The following CTTNBP2 variants were observed in gnomAD, a reference collection of about 807,000 sequenced individuals.
CTTNBP2 encodes the protein cortactin binding protein 2.
CTTNBP2 carries 108 observed loss-of-function variants against 156.9 expected under a neutral mutation model. The ratio of observed to expected loss-of-function variants is 0.69; its 90% CI spans 0.59 to 0.81. The LOEUF (loss-of-function observed/expected upper bound fraction) is 0.81, where lower values mean the gene tolerates loss of function less well. Ranked by LOEUF, CTTNBP2 falls within the 30% of genes least tolerant of loss-of-function variation. The pLI, the probability that CTTNBP2 is intolerant of heterozygous loss-of-function variation, is 0.00. For synonymous variants in CTTNBP2, 767 were observed against 751.8 expected (o/e 1.02, Z -0.33); for missense variants, 1,924 against 2,035.4 (o/e 0.95, Z 1.05).
intron 12 of CTTNBP2, among the ~76,000 whole-genome samples, chr7:117,752,848 T>C (rs1260790491): frequency 6.6e-6 from 1 of 152,226 alleles, no homozygotes; most frequent in Non-Finnish European, 1.5e-5. Context: ...CTAACTTGTA[T>C]GGAGTATCTA....
chr7:117,735,976 AT>A (rs1795666250), intron 14 of CTTNBP2, among the ~76,000 whole-genome samples: 1 of 152,208 alleles, frequency 6.6e-6, no homozygotes, highest in Admixed American at 6.5e-5. Flanking sequence ...ACACAGTCAC[AT>A]TCTGAGAGCT....
intron 10 of CTTNBP2, among the ~76,000 whole-genome samples, chr7:117,759,974 T>C (rs886790467): frequency 6.6e-6 from 1 of 152,188 alleles, no homozygotes; most frequent in Non-Finnish European, 1.5e-5. Context: ...ATTCATCCCA[T>C]GTGGGAGCAT....
intron 12 of CTTNBP2, among the ~76,000 whole-genome samples, chr7:117,748,532 A>C (rs1388515473): frequency 6.6e-6 from 1 of 152,172 alleles, no homozygotes; most frequent in Admixed American, 6.5e-5. Flanking sequence ...AGAGAGCTCA[A>C]GTTAGTCTTG....
chr7:117,762,326 C>T (rs1050233869), intron 9 of CTTNBP2, among the ~76,000 whole-genome samples: 2 of 152,198 alleles, frequency 1.3e-5, no homozygotes, highest in African/African-American at 4.8e-5. Flanking sequence ...CAAATCTGAA[C>T]TCCCCAACTA....
intron 3 of CTTNBP2, chr7:117,793,355 G>A (rs1224714623): frequency 6.6e-6 from 1 of 152,204 alleles, no homozygotes; most frequent in Non-Finnish European, 1.5e-5. Flanking sequence ...AAACTCTAAA[G>A]AGCTAAAGAA....
intron 8 of CTTNBP2, among the ~76,000 whole-genome samples, chr7:117,768,565 C>CA (rs747773487): frequency 2.9e-4 from 16 of 55,538 alleles, no homozygotes; most frequent in African/African-American, 8.5e-4. Context: ...GACTCTGTCT[C>CA]AAAAAAAAAA....
rs2116967846 is a variant in CTTNBP2 at position 117,810,942 on chromosome 7, A to G, written c.237T>C (p.Asn79=). 2 of 1,614,092 alleles carry G rather than the reference A, an allele frequency of 1.2e-6. No homozygotes were observed. Among genetic ancestry groups the G allele is most frequent in the East Asian group, 2.2e-5 (1 of 44,884 alleles). ...VFIQERYGRF[N]LNDPFLALQR... The stretch of plus-strand genomic sequence containing the variant: ...GGAGTGCCAGGAACGGGTCATTTAG[A>G]TTAAATCTCCCATACCGTTCCTGGA... Residue 79 remains asparagine (N), a synonymous_variant, in exon 3 of 23, where the codon AAT becomes AAC. Transcript: ENST00000160373.
At chr7:117,738,183 T>C (rs1795812721) in intron 14 of CTTNBP2, among the ~76,000 whole-genome samples, 1 of 152,192 alleles carries the variant, frequency 6.6e-6, no homozygotes, top group South Asian at 2.1e-4. Flanking sequence ...AATTGCACTG[T>C]GCTGGGCCTG....
rs895842440 is a variant in CTTNBP2 at position 117,784,418 on chromosome 7, C to T, written c.2105G>A (p.Gly702Asp). 6.2e-7 allele frequency: 1 copy of T among 1,609,496 alleles called. No homozygotes were observed. Among genetic ancestry groups the T allele is most frequent in the Non-Finnish European group, 8.5e-7 (1 of 1,178,596 alleles). ...SPSLTPLLMS[G>D]GPAPLAGRPT... The stretch of plus-strand genomic sequence containing the variant: ...CCTGCCAGCCAGGGGGGCAGGACCA[C>T]CACTCATTAGCAAAGGGGTTAGGGA... The change falls in exon 5 of 23, where the codon GGT becomes GAT. Residue 702 changes from glycine to aspartate, a missense_variant. By Grantham distance (94) the Gly-to-Asp change is moderately conservative (BLOSUM62 -1). Coordinates refer to ENST00000160373, the MANE Select transcript of CTTNBP2 (RefSeq NM_033427.3).
At chr7:117,843,616 C>G (rs145209580) in intron 2 of CTTNBP2, among the ~76,000 whole-genome samples, 22 of 152,236 alleles carry the variant, frequency 1.4e-4, no homozygotes, top group African/African-American at 5.3e-4. Flanking sequence ...GATTATGCAG[C>G]CTTGAGGCCA....
chr7:117,820,636 T>TCC (rs1400799391), intron 2 of CTTNBP2, among the ~76,000 whole-genome samples: 1 of 152,194 alleles, frequency 6.6e-6, no homozygotes, highest in African/African-American at 2.4e-5. Flanking sequence ...GACTAGCCTT[T>TCC]CCCCATTGAA....
At chr7:117,862,674 T>G (rs1803852651) in intron 1 of CTTNBP2, among the ~76,000 whole-genome samples, 1 of 152,154 alleles carries the variant, frequency 6.6e-6, no homozygotes, top group Non-Finnish European at 1.5e-5. Context: ...ACACAACATT[T>G]ATCCCCAAAT....
chr7:117,731,225 T>C (rs1037682841), intron 16 of CTTNBP2, among the ~76,000 whole-genome samples: 10 of 152,214 alleles, frequency 6.6e-5, no homozygotes, highest in African/African-American at 2.4e-4. Context: ...AGAAATGTAA[T>C]TAAGCTATGA....
At chr7:117,851,003 A>G (rs913226855) in intron 2 of CTTNBP2, among the ~76,000 whole-genome samples, 1 of 152,236 alleles carries the variant, frequency 6.6e-6, no homozygotes, top group Non-Finnish European at 1.5e-5. Context: ...TTAATTGAGC[A>G]TGAATTCACA....
At chr7:117,713,866 A>G (rs1794193055) in intron 22 of CTTNBP2, 2 of 152,190 alleles carry the variant, frequency 1.3e-5, no homozygotes, top group Non-Finnish European at 1.5e-5. Context: ...ATATAAAAAC[A>G]CTGAAACAAC....
chr7:117,804,279 T>G (rs530057697), intron 3 of CTTNBP2, among the ~76,000 whole-genome samples: 22 of 152,268 alleles, frequency 1.4e-4, no homozygotes, highest in African/African-American at 4.8e-4. Context: ...GGCTTCAATT[T>G]TAATAAATGT....
At chr7:117,831,771 G>A (rs927324783) in intron 2 of CTTNBP2, among the ~76,000 whole-genome samples, 1 of 151,828 alleles carries the variant, frequency 6.6e-6, no homozygotes, top group Admixed American at 6.6e-5. Flanking sequence ...TATCCTCCTC[G>A]TGACATTCAA....
intron 9 of CTTNBP2, among the ~76,000 whole-genome samples, chr7:117,765,559 C>T (rs2116687195): frequency 6.6e-6 from 1 of 152,288 alleles, no homozygotes; most frequent in Non-Finnish European, 1.5e-5. Flanking sequence ...GGATGTACAT[C>T]TGCAAATCCT....
At chr7:117,778,397 T>C (rs961450304) in intron 7 of CTTNBP2, among the ~76,000 whole-genome samples, 1 of 152,216 alleles carries the variant, frequency 6.6e-6, no homozygotes, top group Non-Finnish European at 1.5e-5. Flanking sequence ...ACTAAAATTA[T>C]TGTGTCTGTT....
Sources: allele counts gnomAD v4.1 joint callset (sites outside exome capture counted in the v4.1 genomes callset), GRCh38; gene constraint gnomAD v4.1.1; transcripts MANE v1.5; gene names NCBI Gene and HGNC (gene_info 2026-07-23, HGNC 2026-07-21).